The following PRKAG2 variants were observed in gnomAD, a reference collection of about 807,000 sequenced individuals.
PRKAG2 encodes the protein protein kinase AMP-activated non-catalytic subunit gamma 2.
PRKAG2 carries 26 observed loss-of-function variants against 69.6 expected under a neutral mutation model. That is an observed-to-expected ratio of 0.37 (90% CI 0.27 to 0.52). The LOEUF (loss-of-function observed/expected upper bound fraction) is 0.52, where lower values mean the gene tolerates loss of function less well. PRKAG2 is among the 20% of genes least tolerant of loss of function. The probability of loss-of-function intolerance (pLI) is 0.90; values close to 1 mark genes in which losing one functional copy is unlikely to be tolerated. For synonymous variants in PRKAG2, 293 were observed against 285.0 expected (o/e 1.03, Z -0.28); for missense variants, 557 against 740.0 (o/e 0.75, Z 2.87).
chr7:151,729,284 C>A (rs1798531121), intron 3 of PRKAG2, among the ~76,000 whole-genome samples: 1 of 152,098 alleles, frequency 6.6e-6, no homozygotes, highest in South Asian at 2.1e-4. Flanking sequence ...TGTCCGAAAC[C>A]CCCCAAAGAC....
At chr7:151,810,277 G>A (rs1370920474) in intron 1 of PRKAG2, 2 of 152,182 alleles carry the variant, frequency 1.3e-5, no homozygotes, top group African/African-American at 4.8e-5. Flanking sequence ...AAGCAAGAAC[G>A]TCTTCATCTA....
Position 151,595,302 on chromosome 7 carries a change from T to C in PRKAG2, c.864+43A>G, listed in dbSNP as rs1387403440. The C allele has an allele frequency of 5.9e-6, 8 of 1,354,692 alleles. No homozygotes were observed. The Admixed American group carries it at 1.4e-4, about 23-fold the overall frequency. 83.9% of individuals were successfully genotyped at this position (1,354,692 alleles called of 1,614,324 possible). On this transcript the variant is annotated intron_variant, in intron 6 of 15. Transcript: ENST00000287878. The stretch of plus-strand genomic sequence containing the variant: ...AAATTACTGTATAAAGTAGTAGCCA[T>C]CCAAAAAATACCAAAAAATTCATGA...
At chr7:151,588,953 C>T (rs184862774) in intron 6 of PRKAG2, among the ~76,000 whole-genome samples, 1 of 152,308 alleles carries the variant, frequency 6.6e-6, no homozygotes, top group Admixed American at 6.5e-5. Flanking sequence ...CTGTGCCAGT[C>T]ATGAAGTTAC....
At chr7:151,631,376 C>T (rs1465995343) in intron 5 of PRKAG2, among the ~76,000 whole-genome samples, 2 of 152,182 alleles carry the variant, frequency 1.3e-5, no homozygotes, top group Non-Finnish European at 1.5e-5. Context: ...CTGGTGAAAG[C>T]TCGTCACATT....
chr7:151,667,440 T>A (rs1831217198), intron 4 of PRKAG2, among the ~76,000 whole-genome samples: 1 of 152,206 alleles, frequency 6.6e-6, no homozygotes, highest in South Asian at 2.1e-4. Context: ...ACTGCAGACC[T>A]AGCTGTTGAA....
intron 4 of PRKAG2, among the ~76,000 whole-genome samples, chr7:151,672,077 C>T (rs1038411270): frequency 1.9e-4 from 28 of 149,746 alleles, no homozygotes; most frequent in African/African-American, 6.7e-4. Flanking sequence ...GGATTACAGG[C>T]GTGAGCCACC....
At chr7:151,869,093 G>C (rs1017162548) in intron 1 of PRKAG2, among the ~76,000 whole-genome samples, 1 of 152,208 alleles carries the variant, frequency 6.6e-6, no homozygotes, top group African/African-American at 2.4e-5. Flanking sequence ...TATTGGGGGG[G>C]GCAGTTCAAA....
intron 5 of PRKAG2, among the ~76,000 whole-genome samples, chr7:151,607,586 C>A (rs1206939683): frequency 6.6e-6 from 1 of 152,158 alleles, no homozygotes; most frequent in Non-Finnish European, 1.5e-5. Flanking sequence ...TCCCTACCTA[C>A]ACAATATACC....
chr7:151,841,767 G>A (rs1183249672), intron 1 of PRKAG2, among the ~76,000 whole-genome samples: 3 of 147,484 alleles, frequency 2.0e-5, no homozygotes, highest in Non-Finnish European at 3.0e-5. Context: ...TGGTAGTGAT[G>A]GTAGGTAGTG....
In PRKAG2 at chr7:151,876,872, G is replaced by T. The variant is rs546312513; in HGVS notation, c.-252C>A. The stretch of plus-strand genomic sequence containing the variant: ...TCAGTCAAAGCCCGTCCCGGTTCTG[G>T]TGTCTCCCCGGGTTACTCGTGGCTG... On this transcript the variant is annotated 5_prime_UTR_variant, in exon 1 of 16. Coordinates refer to ENST00000287878, the MANE Select transcript of PRKAG2 (RefSeq NM_016203.4). The T allele has an allele frequency of 4.9e-5, 28 of 567,610 alleles. No homozygotes were observed. The East Asian group carries it at 6.9e-4, about 14-fold the overall frequency. 35.2% of individuals were successfully genotyped at this position (567,610 alleles called of 1,614,324 possible). A position where few individuals can be genotyped will look rare whatever the true frequency, so the allele number is the denominator to read the frequency against.
chr7:151,578,877 A>G (rs1418807265), intron 6 of PRKAG2, among the ~76,000 whole-genome samples: 2 of 152,248 alleles, frequency 1.3e-5, no homozygotes, highest in East Asian at 3.8e-4. Flanking sequence ...GTCCTAGAAT[A>G]TATTATAGAA....
At chr7:151,843,410 G>A (rs2079356057) in intron 1 of PRKAG2, among the ~76,000 whole-genome samples, 1 of 152,232 alleles carries the variant, frequency 6.6e-6, no homozygotes, top group South Asian at 2.1e-4. Flanking sequence ...CTGAAGACAG[G>A]CTGCACCATC....
At chr7:151,809,137 G>A (rs374309784) in intron 1 of PRKAG2, 1 of 426,408 alleles carries the variant, frequency 2.3e-6, no homozygotes, top group Middle Eastern at 3.4e-4. Flanking sequence ...TCCCAGCCAG[G>A]TTTGGCCATC....
intron 1 of PRKAG2, among the ~76,000 whole-genome samples, chr7:151,841,999 G>A (rs115662042): frequency 0.026 from 3,646 of 142,724 alleles, 48 homozygotes; most frequent in African/African-American, 0.035. Flanking sequence ...GTGATGGTAG[G>A]TAGGGATGGT....
chr7:151,753,774 C>T (rs2074872978), intron 3 of PRKAG2, among the ~76,000 whole-genome samples: 1 of 151,998 alleles, frequency 6.6e-6, no homozygotes, highest in South Asian at 2.1e-4. Context: ...TGGCTTGTGC[C>T]TATGATCCCA....
rs1171646056 is a variant in PRKAG2, at chr7:151,795,864, T to TAC, written c.115-9324_115-9323insGT. Among the ~76,000 whole-genome samples, 1,058 of 111,968 alleles carry TAC rather than the reference T, an allele frequency of 9.4e-3. 28 individuals carry two copies. Among genetic ancestry groups the TAC allele is most frequent in the African/African-American group, 0.027 (757 of 27,544 alleles). 73.5% of individuals were successfully genotyped at this position (111,968 alleles called of 152,430 possible). ...CAAATCTCATATATATATATATATATATATATATATATATATATATATATA... is the reference window on the plus strand; with the variant it reads ...CAAATCTCATATATATATATATATATACATATATATATATATATATATATATA... On this transcript the variant is annotated intron_variant, in intron 1 of 15. Transcript: ENST00000287878.
chr7:151,726,265 G>C (rs140077948), intron 3 of PRKAG2, among the ~76,000 whole-genome samples: 1 of 152,094 alleles, frequency 6.6e-6, no homozygotes, highest in Non-Finnish European at 1.5e-5. Flanking sequence ...CTGCGTGTGC[G>C]CAGAGCCGGA....
chr7:151,845,878 G>C lies in PRKAG2; in HGVS notation c.114+30629C>G, dbSNP rs180884287. 9.7e-3 allele frequency among the ~76,000 whole-genome samples: 1,473 copies of C among 152,272 alleles called. 47 individuals are homozygous for C. Among genetic ancestry groups the C allele is most frequent in the Admixed American group, 0.053 (805 of 15,294 alleles). ...GCCCCAGAGTCTGCCGCTCCCTCAG[G>C]GTCCCTCTCCCGGCATCTGGGGGCT... On this transcript the variant is annotated intron_variant, in intron 1 of 15. Transcript: ENST00000287878.
intron 5 of PRKAG2, among the ~76,000 whole-genome samples, chr7:151,612,265 T>C (rs879639110): frequency 1.3e-5 from 2 of 152,224 alleles, no homozygotes; most frequent in Non-Finnish European, 2.9e-5. Context: ...CTGAGTGCAC[T>C]GCAGAGTGAG....
Sources: gnomAD v4.1 joint callset for allele counts (sites outside exome capture counted in the v4.1 genomes callset) on GRCh38, gnomAD v4.1.1 for gene constraint, MANE v1.5 for transcripts, NCBI Gene and HGNC (gene_info 2026-07-23, HGNC 2026-07-21) for gene names.